Variants in FAT4 observed in about 807,000 individuals in gnomAD.
FAT4 encodes the protein FAT atypical cadherin 4.
A neutral mutation model predicts 303.9 loss-of-function variants in FAT4; 84 were observed. The observed-to-expected ratio is 0.28, with a 90% CI of 0.23 to 0.33. The LOEUF is 0.33. Among genes scored for constraint, FAT4 ranks in the 10% least tolerant of loss-of-function variants. FAT4 has a pLI of 1.00. For missense variants in FAT4, 6,005 were observed against 6,146.8 expected, an observed-to-expected ratio of 0.98 and a Z score of 0.77; for synonymous variants, 2,307 against 2,298.8, an observed-to-expected ratio of 1.00 and a Z score of -0.10.
At chr4:125,365,043 G>A (rs998480030) in intron 2 of FAT4, among the ~76,000 whole-genome samples, 1 of 152,186 alleles carries the variant, frequency 6.6e-6, no homozygotes, top group African/African-American at 2.4e-5. Context: ...TGTTGAAGAT[G>A]TGGTCCTGGT....
chr4:125,492,602 T>C lies in FAT4; in HGVS notation c.*834T>C, dbSNP rs1331496641. 1 of 152,578 alleles carries C rather than the reference T, an allele frequency of 6.6e-6. No homozygotes were observed. The highest frequency in any genetic ancestry group is 2.4e-5 in the African/African-American group (1 of 41,454). 9.5% of individuals were successfully genotyped at this position (152,578 alleles called of 1,614,324 possible). On this transcript the variant is annotated 3_prime_UTR_variant, in exon 18 of 18. Coordinates refer to ENST00000394329, the MANE Select transcript of FAT4 (RefSeq NM_001291303.3). Reference sequence around the variant, plus strand: ...AATTGACCTAAGGAAAGCTTATGATTGGACTTATTTTCCAACCAGATAACA... The same window carrying C: ...AATTGACCTAAGGAAAGCTTATGATCGGACTTATTTTCCAACCAGATAACA...
At chr4:125,347,300 A>C (rs564136984) in intron 2 of FAT4, among the ~76,000 whole-genome samples, 8 of 151,238 alleles carry the variant, frequency 5.3e-5, no homozygotes, top group Non-Finnish European at 5.9e-5. Flanking sequence ...ACACATGTAG[A>C]TAAAAAGACC....
intron 11 of FAT4, among the ~76,000 whole-genome samples, chr4:125,466,860 A>C (rs925452877): frequency 2.7e-5 from 4 of 150,150 alleles, no homozygotes; most frequent in Admixed American, 1.3e-4. Context: ...CTGCAAGCTC[A>C]GCCTCCCAGG....
intron 8 of FAT4, among the ~76,000 whole-genome samples, chr4:125,435,609 C>T (rs1725423823): frequency 1.3e-5 from 2 of 152,138 alleles, no homozygotes; most frequent in African/African-American, 2.4e-5. Flanking sequence ...AAGAAATGAC[C>T]TTTAAGCTGA....
rs750372857 is a variant in FAT4, at chr4:125,448,931, A to C, written c.7921A>C (p.Ile2641Leu). The C allele has an allele frequency of 6.2e-7, 1 of 1,613,462 alleles. No individual in the cohort carries two copies. Among genetic ancestry groups the C allele is most frequent in the South Asian group, 1.1e-5 (1 of 91,064 alleles). Reference sequence around the variant, plus strand: ...AAAGATACAAAAATATGTTGTATGGATAGAGGCCAGAGACGGTGGTTTCCC... The same window carrying C: ...AAAGATACAAAAATATGTTGTATGGCTAGAGGCCAGAGACGGTGGTTTCCC... ...FEKIQKYVVW[I>L]EARDGGFPPF... Residue 2641 changes from isoleucine to leucine, a missense_variant, in exon 10 of 18, where the codon ATA (isoleucine) becomes CTA (leucine). Physicochemically the swap from Ile to Leu is conservative, Grantham distance 5 (BLOSUM62 2). Transcript: ENST00000394329.
At chr4:125,383,393 A>G (rs1733612415) in intron 2 of FAT4, among the ~76,000 whole-genome samples, 1 of 152,128 alleles carries the variant, frequency 6.6e-6, no homozygotes, top group Non-Finnish European at 1.5e-5. Flanking sequence ...GAAATGGAAG[A>G]ATGGCTGGAC....
intron 7 of FAT4, among the ~76,000 whole-genome samples, chr4:125,418,997 A>G (rs1709962972): frequency 6.6e-6 from 1 of 152,186 alleles, no homozygotes; most frequent in African/African-American, 2.4e-5. Context: ...ATTAATTTAG[A>G]AATGGAAGTA....
chr4:125,429,514 G>A (rs1725211420), intron 7 of FAT4, among the ~76,000 whole-genome samples: 1 of 151,994 alleles, frequency 6.6e-6, no homozygotes, highest in Non-Finnish European at 1.5e-5. Context: ...ATTCAAAACT[G>A]GCTCTCTGTC....
intron 2 of FAT4, among the ~76,000 whole-genome samples, chr4:125,328,748 T>C (rs1030148241): frequency 1.3e-5 from 2 of 152,214 alleles, no homozygotes; most frequent in African/African-American, 4.8e-5. Context: ...ATATCATCAT[T>C]TGACAAATGA....
chr4:125,468,542 G>A lies in FAT4; in HGVS notation c.11936G>A (p.Ser3979Asn). The change falls in exon 12 of 18, where the codon AGT (serine) becomes AAT (asparagine). Residue 3979 changes from serine (S) to asparagine (N), a missense_variant. Physicochemically the swap from Ser to Asn is conservative, Grantham distance 46. Transcript: ENST00000394329. ...TTTGGAAAACACTGCGAGTTGAACA[G>A]TTATGGATTTGAGGAGTTATCATAC... ...GVFGKHCELN[S>N]YGFEELSYME... The A allele has an allele frequency of 6.2e-7, 1 of 1,609,884 alleles. No homozygotes were observed. The highest frequency in any genetic ancestry group is 1.7e-5 in the Admixed American group (1 of 59,854).
chr4:125,407,814 T>C lies in FAT4; in HGVS notation c.5570-630T>C, dbSNP rs147663696. Among the ~76,000 whole-genome samples, 58 of 152,266 alleles carry C rather than the reference T, an allele frequency of 3.8e-4. No individual in the cohort carries two copies. In the East Asian group the frequency reaches 0.011, roughly 28 times the overall value. ...GTGTGTGTATGCTTCATTCCCATTA[T>C]TGGAAATTTTTATGTAAAATTAAAA... On this transcript the variant is annotated intron_variant, in intron 4 of 17. Coordinates refer to ENST00000394329, the MANE Select transcript of FAT4 (RefSeq NM_001291303.3).
At chr4:125,460,283 T>C (rs1318130664) in intron 10 of FAT4, among the ~76,000 whole-genome samples, 1 of 152,020 alleles carries the variant, frequency 6.6e-6, no homozygotes, top group African/African-American at 2.4e-5. Flanking sequence ...ATTTTATCTA[T>C]TTTTTTAACT....
At position 125,318,697 on chromosome 4, in the gene FAT4, A is replaced by C; in HGVS notation, c.2286A>C (p.Gln762His). The change falls in exon 2 of 18, where the codon CAA becomes CAC. Residue 762 changes from glutamine (Q) to histidine (H), a missense_variant. Gln to His is a conservative substitution (Grantham distance 24). Transcript: ENST00000394329. ...DREEKTAYQL[Q>H]IVATDGGNLQ... ...AAGAAAAAACAGCTTATCAGTTGCA[A>C]ATAGTAGCTACTGATGGTGGCAATT... The C allele has an allele frequency of 6.2e-7, 1 of 1,614,130 alleles. No individual in the cohort carries two copies. Among genetic ancestry groups the C allele is most frequent in the Non-Finnish European group, 8.5e-7 (1 of 1,179,996 alleles).
intron 2 of FAT4, among the ~76,000 whole-genome samples, chr4:125,358,480 A>T (rs933217104): frequency 2.6e-5 from 4 of 152,240 alleles, no homozygotes; most frequent in Admixed American, 2.6e-4. Flanking sequence ...AAAGGGATAC[A>T]GTGACAGATC....
intron 8 of FAT4, 131 bp from the exon 9 acceptor site, chr4:125,446,162 T>C (rs1725818763): frequency 2.7e-6 from 2 of 749,226 alleles, no homozygotes; most frequent in Admixed American, 2.9e-5. Flanking sequence ...AGTTGTATTC[T>C]TTCCAACATT....
intron 7 of FAT4, among the ~76,000 whole-genome samples, chr4:125,421,790 G>A (rs1200458824): frequency 6.6e-6 from 1 of 152,124 alleles, no homozygotes; most frequent in African/African-American, 2.4e-5. Flanking sequence ...TGAAGGCTGG[G>A]ATAGATAAGC....
intron 2 of FAT4, chr4:125,394,024 A>G (rs1734072968): frequency 3.9e-6 from 3 of 777,968 alleles, no homozygotes; most frequent in South Asian, 2.7e-5. Flanking sequence ...GCACAGATCT[A>G]CCAACTACAT....
intron 2 of FAT4, among the ~76,000 whole-genome samples, chr4:125,368,408 G>A (rs1732967238): frequency 6.6e-6 from 1 of 151,076 alleles, no homozygotes; most frequent in Non-Finnish European, 1.5e-5. Context: ...TTAGAGTAGA[G>A]TGGGAATTGA....
rs181381302 is a variant in FAT4, at chr4:125,461,272, A to G, written c.11801-2291A>G. Among the ~76,000 whole-genome samples, 390 of 152,140 alleles carry G rather than the reference A, an allele frequency of 2.6e-3. 3 individuals carry two copies. The highest frequency in any genetic ancestry group is 3.4e-3 in the Middle Eastern group (1 of 294). ...ATTATACACAAAAAGAACAACACGT[A>G]AATTTCATTTGTTGCTATTTAACTC... On this transcript the variant is annotated intron_variant, in intron 10 of 17. Coordinates refer to ENST00000394329, the MANE Select transcript of FAT4 (RefSeq NM_001291303.3).
Sources: allele counts gnomAD v4.1 joint callset (sites outside exome capture counted in the v4.1 genomes callset), GRCh38; gene constraint gnomAD v4.1.1; transcripts MANE v1.5; gene names NCBI Gene and HGNC (gene_info 2026-07-23, HGNC 2026-07-21).